Variants in NCKAP5 observed in about 807,000 individuals in gnomAD.
The protein encoded by NCKAP5 is nck-associated protein 5.
Under a neutral mutation model 167.0 loss-of-function variants are expected in NCKAP5, and 92 were observed. That is an observed-to-expected ratio of 0.55 (90% CI 0.47 to 0.66). NCKAP5 has a LOEUF of 0.66. Ranked by LOEUF, NCKAP5 falls within the 30% of genes least tolerant of loss-of-function variation. NCKAP5 has a pLI of 0.00. For missense variants in NCKAP5, 2,378 were observed against 2,315.0 expected, an observed-to-expected ratio of 1.03 and a Z score of -0.56; for synonymous variants, 891 against 877.4, an observed-to-expected ratio of 1.02 and a Z score of -0.27.
intron 19 of NCKAP5, among the ~76,000 whole-genome samples, chr2:132,711,132 GTAGTGTTCTACAA>G (rs1308340483): frequency 2.6e-5 from 4 of 152,136 alleles, no homozygotes; most frequent in Non-Finnish European, 5.9e-5. Context: ...CAGAAATATG[GTAGTGTTCTACAA>G]TAGTAAATAT....
At chr2:133,151,988 C>A (rs558766487) in intron 5 of NCKAP5, among the ~76,000 whole-genome samples, 1 of 152,132 alleles carries the variant, frequency 6.6e-6, no homozygotes, top group East Asian at 1.9e-4. Flanking sequence ...TCATAGCAGC[C>A]ATGTTCATAA....
Position 133,175,414 on chromosome 2 carries a change from C to T in NCKAP5, c.207+38302G>A, listed in dbSNP as rs145742229. 7.6e-3 allele frequency among the ~76,000 whole-genome samples: 1,153 copies of T among 152,122 alleles called. 8 individuals carry two copies. Among genetic ancestry groups the T allele is most frequent in the Non-Finnish European group, 0.012 (827 of 67,994 alleles). ...ATCCAGATTTGAGTCATAATTAGAACGTTTTTCTGTACTAGGATTAGAGAG... is the reference window on the plus strand; with the variant it reads ...ATCCAGATTTGAGTCATAATTAGAATGTTTTTCTGTACTAGGATTAGAGAG... On this transcript the variant is annotated intron_variant, in intron 5 of 19. Coordinates refer to ENST00000409261, the MANE Select transcript of NCKAP5 (RefSeq NM_207363.3).
rs142019171 is a variant in NCKAP5 at position 133,332,826 on chromosome 2, T to A, written c.70-29716A>T. The stretch of plus-strand genomic sequence containing the variant: ...CAGATGGGTGACCCAAGGTGGGAGG[T>A]CAAATGACTTGCTCAGAGTGAGACA... On this transcript the variant is annotated intron_variant, in intron 3 of 19. Coordinates refer to ENST00000409261, the MANE Select transcript of NCKAP5 (RefSeq NM_207363.3). 8.0e-3 allele frequency among the ~76,000 whole-genome samples: 1,210 copies of A among 152,158 alleles called. 18 individuals carry two copies. The highest frequency in any genetic ancestry group is 0.026 in the African/African-American group (1,059 of 41,496).
At chr2:133,598,974 T>G in the NCKAP5 span, among the ~76,000 whole-genome samples, 2 of 152,212 alleles carry the variant, frequency 1.3e-5, no homozygotes, top group African/African-American at 2.4e-5. Flanking sequence ...CGTGCCAATT[T>G]CTGCCTCTGA....
intron 11 of NCKAP5, among the ~76,000 whole-genome samples, chr2:132,819,019 C>T (rs1463973675): frequency 1.3e-5 from 2 of 152,166 alleles, no homozygotes; most frequent in South Asian, 2.1e-4. Flanking sequence ...AATGTAATTG[C>T]CTTTCTTTAT....
intron 11 of NCKAP5, among the ~76,000 whole-genome samples, chr2:132,852,636 G>C (rs143601548): frequency 1.3e-5 from 2 of 152,150 alleles, no homozygotes; most frequent in East Asian, 1.9e-4. Flanking sequence ...CAATTTTATA[G>C]TCTTACAGCT....
At chr2:132,944,014 T>C (rs1697502470) in intron 8 of NCKAP5, among the ~76,000 whole-genome samples, 1 of 152,202 alleles carries the variant, frequency 6.6e-6, no homozygotes, top group Non-Finnish European at 1.5e-5. Flanking sequence ...AGATGGGAAC[T>C]TGAGTTGTGT....
intron 3 of NCKAP5, among the ~76,000 whole-genome samples, chr2:133,414,093 A>T (rs1159440027): frequency 2.0e-5 from 3 of 152,206 alleles, no homozygotes; most frequent in Admixed American, 6.5e-5. Flanking sequence ...TTCCAAGAAA[A>T]ATCAATGACA....
intron 8 of NCKAP5, among the ~76,000 whole-genome samples, chr2:132,946,440 G>A (rs1037868888): frequency 1.3e-5 from 2 of 151,956 alleles, no homozygotes; most frequent in East Asian, 1.9e-4. Context: ...AGGTGACAGC[G>A]GCCCTCAAAA....
At chr2:133,098,965 A>G (rs1429398369) in intron 6 of NCKAP5, among the ~76,000 whole-genome samples, 1 of 152,218 alleles carries the variant, frequency 6.6e-6, no homozygotes, top group Non-Finnish European at 1.5e-5. Context: ...CAACTTGGTA[A>G]CAATTCATCA....
At chr2:133,035,903 A>G (rs2079025661) in intron 6 of NCKAP5, among the ~76,000 whole-genome samples, 1 of 151,856 alleles carries the variant, frequency 6.6e-6, no homozygotes, top group African/African-American at 2.4e-5. Flanking sequence ...GGTTTTTTGG[A>G]AAGTTAAACA....
At chr2:132,820,427 A>AT (rs1686633297) in intron 11 of NCKAP5, among the ~76,000 whole-genome samples, 1 of 151,894 alleles carries the variant, frequency 6.6e-6, no homozygotes, top group Non-Finnish European at 1.5e-5. Context: ...ACGGGGTTTC[A>AT]TTGTGTTAGC....
At chr2:133,647,695 AAAG>A in the NCKAP5 span, among the ~76,000 whole-genome samples, 4,077 of 117,492 alleles carry the variant, frequency 0.035, 348 homozygotes, top group African/African-American at 0.13. Flanking sequence ...AGGAAGGAAG[AAAG>A]AAGGAAAGAA....
chr2:133,308,367 C>T (rs1680954505), intron 3 of NCKAP5, among the ~76,000 whole-genome samples: 1 of 152,000 alleles, frequency 6.6e-6, no homozygotes, highest in Non-Finnish European at 1.5e-5. Flanking sequence ...GGATTACAGG[C>T]GTGAGCCACC....
At chr2:133,437,044 T>A (rs1274472967) in intron 3 of NCKAP5, among the ~76,000 whole-genome samples, 1 of 152,114 alleles carries the variant, frequency 6.6e-6, no homozygotes, top group Non-Finnish European at 1.5e-5. Flanking sequence ...TTGGTGTTAA[T>A]TTATGTGCTC....
chr2:132,829,056 C>T (rs907919527), intron 11 of NCKAP5, among the ~76,000 whole-genome samples: 20 of 152,272 alleles, frequency 1.3e-4, no homozygotes, highest in South Asian at 4.1e-4. Context: ...GAGAAAGGTG[C>T]TCATGAATAT....
chr2:132,927,877 C>G (rs1280945398), intron 8 of NCKAP5, among the ~76,000 whole-genome samples: 2 of 152,050 alleles, frequency 1.3e-5, no homozygotes, highest in Non-Finnish European at 2.9e-5. Context: ...ATAAGTTCTC[C>G]TTCTATACCT....
rs1213795036 is a variant in NCKAP5 at position 133,430,362 on chromosome 2, A to T, written c.69+87096T>A. Among the ~76,000 whole-genome samples, 8 of 152,132 alleles carry T rather than the reference A, an allele frequency of 5.3e-5. No homozygotes were observed. The East Asian group carries it at 1.5e-3, about 29-fold the overall frequency. ...GTTGAGAGTTTCTTTTGCTGTACAG[A>T]AGCTCTTTAGTTTAATTAAGTCTCA... On this transcript the variant is annotated intron_variant, in intron 3 of 19. Coordinates refer to ENST00000409261, the MANE Select transcript of NCKAP5 (RefSeq NM_207363.3).
intron 3 of NCKAP5, among the ~76,000 whole-genome samples, chr2:133,326,458 C>CAAAAAAAAAAAAA (rs34750625): frequency 6.1e-5 from 3 of 49,008 alleles, no homozygotes; most frequent in African/African-American, 1.3e-4. Flanking sequence ...TCAGTCTCAA[C>CAAAAAAAAAAAAA]AAAAAAAAAA....
Sources: allele counts gnomAD v4.1 joint callset (sites outside exome capture counted in the v4.1 genomes callset), GRCh38; gene constraint gnomAD v4.1.1; transcripts MANE v1.5; gene names NCBI Gene and HGNC (gene_info 2026-07-23, HGNC 2026-07-21).